GPR63: variants seen among roughly 807,000 people sequenced by gnomAD.
The protein encoded by GPR63 is G protein-coupled receptor 63.
GPR63 carries 12 observed loss-of-function variants against 23.1 expected under a neutral mutation model. That is an observed-to-expected ratio of 0.52 (90% CI 0.33 to 0.84). The LOEUF (loss-of-function observed/expected upper bound fraction) is 0.84, where lower values mean the gene tolerates loss of function less well. GPR63 is among the 40% of genes least tolerant of loss of function. The probability of loss-of-function intolerance (pLI) is 0.02; values close to 1 mark genes in which losing one functional copy is unlikely to be tolerated. For missense variants in GPR63, 472 were observed against 515.6 expected (o/e 0.92, Z 0.82); for synonymous variants, 172 against 191.1 (o/e 0.90, Z 0.82).
rs761222704 is a variant in GPR63, at chr6:96,798,846, G to C, written c.886C>G (p.Leu296Val). The part of the protein sequence containing the change: ...SQASKLGLMS[L>V]QRPFQMSIDM... ...ATGCTCATCTGGAAAGGTCTCTGCA[G>C]ACTCATGAGACCCAGTTTGCTGGCC... The change falls in exon 2 of 2, where the codon CTG becomes GTG. Residue 296 changes from leucine to valine, a missense_variant. Transcript: ENST00000229955. The C allele has an allele frequency of 6.2e-7, 1 of 1,614,208 alleles. No homozygotes were observed. The highest frequency in any genetic ancestry group is 1.3e-5 in the African/African-American group (1 of 75,066).
At chr6:96,828,953 C>A (rs1175980764) in intron 1 of GPR63, among the ~76,000 whole-genome samples, 1 of 151,992 alleles carries the variant, frequency 6.6e-6, no homozygotes, top group Non-Finnish European at 1.5e-5. Context: ...TAATTTCCCA[C>A]AAAAATATTT....
chr6:96,798,557 AACTTGAAGG>A lies in GPR63; in HGVS notation c.1166_1174del (p.Ser389_Lys391del). The A allele has an allele frequency of 6.2e-7, 1 of 1,614,122 alleles. No individual in the cohort carries two copies. The highest frequency in any genetic ancestry group is 1.1e-5 in the South Asian group (1 of 91,064). On this transcript the variant is annotated inframe_deletion, in exon 2 of 2. Coordinates refer to ENST00000229955, the MANE Select transcript of GPR63 (RefSeq NM_030784.4). The stretch of plus-strand genomic sequence containing the variant: ...TGTGTGACCAGGGAGCTGCGGCAAA[AACTTGAAGG>A]ACTTAGGCATCATGTCCAGGCAAGC...
Position 96,798,944 on chromosome 6 carries a change from A to G in GPR63, c.788T>C (p.Met263Thr), listed in dbSNP as rs758373688. 6.2e-5 allele frequency: 100 copies of G among 1,614,084 alleles called. No individual in the cohort carries two copies. Among genetic ancestry groups the G allele is most frequent in the Admixed American group, 2.8e-4 (17 of 59,998 alleles). Residue 263 changes from methionine (M) to threonine (T), a missense_variant, in exon 2 of 2, where the codon ATG (methionine) becomes ACG (threonine). By Grantham distance (81) the Met-to-Thr change is moderately conservative. Transcript: ENST00000229955. ...GTGCCGAAGGGTGTTGAGTATGCCC[A>G]TAAATGAGTACAGTATTACCAGGAA... ...IPFLVILYSF[M>T]GILNTLRHNA...
chr6:96,811,885 T>TA (rs1206402587), intron 1 of GPR63, among the ~76,000 whole-genome samples: 2 of 98,672 alleles, frequency 2.0e-5, no homozygotes, highest in African/African-American at 7.2e-5. Context: ...AATAAATAAA[T>TA]AAATAAAATA....
At chr6:96,805,699 G>T (rs1773879143) in intron 1 of GPR63, among the ~76,000 whole-genome samples, 1 of 152,188 alleles carries the variant, frequency 6.6e-6, no homozygotes, top group Non-Finnish European at 1.5e-5. Flanking sequence ...GGGTATAATG[G>T]TAGGAAAGGT....
At chr6:96,836,110 A>G (rs1220254676) in intron 1 of GPR63, among the ~76,000 whole-genome samples, 2 of 152,134 alleles carry the variant, frequency 1.3e-5, no homozygotes, top group Non-Finnish European at 2.9e-5. Context: ...GTGAGTGAAT[A>G]AGGCAAACAG....
chr6:96,811,959 A>C (rs1435481700), intron 1 of GPR63, among the ~76,000 whole-genome samples: 1 of 152,056 alleles, frequency 6.6e-6, no homozygotes, highest in Non-Finnish European at 1.5e-5. Flanking sequence ...ATAAATTTAG[A>C]TCATTATAAC....
rs1773714917 is a variant in GPR63 at position 96,799,803 on chromosome 6, A to G, written c.-72T>C. 6.9e-7 allele frequency: 1 copy of G among 1,456,604 alleles called. No individual in the cohort carries two copies. Among genetic ancestry groups the G allele is most frequent in the Non-Finnish European group, 9.6e-7 (1 of 1,037,918 alleles). The allele number at this position is 1,456,604 out of a possible 1,614,324, so 90.2% of individuals were successfully genotyped here. On this transcript the variant is annotated 5_prime_UTR_variant, in exon 2 of 2. Transcript: ENST00000229955. ...AAGCATTTCAACACAGAACAGCAGTATCAGGTCCCATTGATGGGCTTGGAA... is the reference window on the plus strand; with the variant it reads ...AAGCATTTCAACACAGAACAGCAGTGTCAGGTCCCATTGATGGGCTTGGAA...
At chr6:96,802,740 G>A (rs1400769870) in intron 1 of GPR63, among the ~76,000 whole-genome samples, 1 of 151,266 alleles carries the variant, frequency 6.6e-6, no homozygotes, top group Non-Finnish European at 1.5e-5. Flanking sequence ...GTAAAGACGG[G>A]GTTTCACCTG....
At chr6:96,834,099 T>G (rs1454691421) in intron 1 of GPR63, among the ~76,000 whole-genome samples, 1 of 152,194 alleles carries the variant, frequency 6.6e-6, no homozygotes, top group Non-Finnish European at 1.5e-5. Context: ...CAAACAGAAG[T>G]GGATACAAAT....
intron 1 of GPR63, among the ~76,000 whole-genome samples, chr6:96,827,604 T>C (rs532870946): frequency 6.6e-6 from 1 of 152,038 alleles, no homozygotes; most frequent in Non-Finnish European, 1.5e-5. Context: ...AGATAATATC[T>C]TCAAGGAGAA....
chr6:96,814,716 AG>A (rs1015876581), intron 1 of GPR63, among the ~76,000 whole-genome samples: 1 of 152,132 alleles, frequency 6.6e-6, no homozygotes, highest in African/African-American at 2.4e-5. Flanking sequence ...TAATACCTTG[AG>A]GGTTTTATTT....
intron 1 of GPR63, among the ~76,000 whole-genome samples, chr6:96,818,026 C>A (rs1157980535): frequency 6.6e-6 from 1 of 151,734 alleles, no homozygotes; most frequent in East Asian, 1.9e-4. Context: ...TAATTTTATA[C>A]TACCCAAAGC....
intron 1 of GPR63, among the ~76,000 whole-genome samples, chr6:96,819,840 G>C (rs772334349): frequency 4.0e-5 from 6 of 151,580 alleles, no homozygotes; most frequent in Non-Finnish European, 7.4e-5. Flanking sequence ...GCTAGGCGTG[G>C]TGGCGGGCGC....
chr6:96,795,692 A>G lies in GPR63; in HGVS notation c.*2780T>C, dbSNP rs1435393587. On this transcript the variant is annotated 3_prime_UTR_variant, in exon 2 of 2. Transcript: ENST00000229955. ...ACCTAAAGACTGCCCATAAAACAGGAACAAAGAAAACAAAGCTCAGTTTCA... is the reference window on the plus strand; with the variant it reads ...ACCTAAAGACTGCCCATAAAACAGGGACAAAGAAAACAAAGCTCAGTTTCA... 1 of 152,188 alleles carries G rather than the reference A, an allele frequency of 6.6e-6. No individual in the cohort carries two copies. Among genetic ancestry groups the G allele is most frequent in the Non-Finnish European group, 1.5e-5 (1 of 68,048 alleles). The allele number at this position is 152,188 out of a possible 1,614,324, so 9.4% of individuals were successfully genotyped here. A position where few individuals can be genotyped will look rare whatever the true frequency, so the allele number is the denominator to read the frequency against.
intron 1 of GPR63, among the ~76,000 whole-genome samples, chr6:96,822,401 T>C (rs1268084804): frequency 6.6e-6 from 1 of 152,158 alleles, no homozygotes; most frequent in Non-Finnish European, 1.5e-5. Context: ...ATACTAAAAA[T>C]ACTTAGAATT....
chr6:96,802,738 G>A (rs528764285), intron 1 of GPR63, among the ~76,000 whole-genome samples: 8 of 150,448 alleles, frequency 5.3e-5, no homozygotes, highest in South Asian at 2.1e-4. Context: ...TAGTAAAGAC[G>A]GGGTTTCACC....
chr6:96,812,581 T>C (rs1396309569), intron 1 of GPR63, among the ~76,000 whole-genome samples: 3 of 152,174 alleles, frequency 2.0e-5, no homozygotes, highest in Non-Finnish European at 4.4e-5. Flanking sequence ...ACTTTAAAAA[T>C]GTATTTTTAA....
chr6:96,818,345 C>T (rs1460662216), intron 1 of GPR63, among the ~76,000 whole-genome samples: 1 of 152,030 alleles, frequency 6.6e-6, no homozygotes, highest in Non-Finnish European at 1.5e-5. Flanking sequence ...TGTCTGTAAT[C>T]CCAGCTACTT....
Sources: gnomAD v4.1 joint callset for allele counts (sites outside exome capture counted in the v4.1 genomes callset) on GRCh38, gnomAD v4.1.1 for gene constraint, MANE v1.5 for transcripts, NCBI Gene and HGNC (gene_info 2026-07-23, HGNC 2026-07-21) for gene names.